The following UST variants were observed in gnomAD, a reference collection of about 807,000 sequenced individuals.
The protein encoded by UST is uronyl 2-sulfotransferase, also known as chondroitin sulfate 2-O-sulfotransferase.
UST carries 21 observed loss-of-function variants against 45.6 expected under a neutral mutation model. The ratio of observed to expected loss-of-function variants is 0.46; its 90% CI spans 0.33 to 0.66. The LOEUF (loss-of-function observed/expected upper bound fraction) is 0.66. Ranked by LOEUF, UST falls within the 30% of genes least tolerant of loss-of-function variation. The pLI is 0.02. For missense variants in UST, 463 were observed against 512.4 expected (o/e 0.90, Z 0.93); for synonymous variants, 215 against 200.6 (o/e 1.07, Z -0.61).
chr6:148,871,145 T>TCTCTCTCTCTCTCTCC (rs1032229926), intron 1 of UST, among the ~76,000 whole-genome samples: 4 of 135,106 alleles, frequency 3.0e-5, no homozygotes, highest in African/African-American at 5.6e-5. Context: ...TCTCTCTCTC[T>TCTCTCTCTCTCTCTCC]CCCTCTCTCC....
At chr6:149,047,049 T>G (rs1046011687) in intron 7 of UST, among the ~76,000 whole-genome samples, 4 of 152,182 alleles carry the variant, frequency 2.6e-5, no homozygotes, top group African/African-American at 9.7e-5. Context: ...AAGTCACTAG[T>G]TAGAGTTGTT....
At chr6:148,936,573 CTTTTTT>C (rs138494669) in intron 2 of UST, among the ~76,000 whole-genome samples, 13 of 85,328 alleles carry the variant, frequency 1.5e-4, no homozygotes, top group Non-Finnish European at 2.0e-4. Context: ...AAAATCAGTC[CTTTTTT>C]TTTTTTTTTT....
chr6:148,792,350 G>A (rs1776866036), intron 1 of UST, among the ~76,000 whole-genome samples: 1 of 152,184 alleles, frequency 6.6e-6, no homozygotes, highest in African/African-American at 2.4e-5. Context: ...CCCCGGGCTG[G>A]CAATGAGAGC....
intron 1 of UST, among the ~76,000 whole-genome samples, chr6:148,761,312 C>T (rs1776213981): frequency 2.0e-5 from 3 of 152,170 alleles, no homozygotes; most frequent in Admixed American, 6.5e-5. Flanking sequence ...CTCCGCCTCC[C>T]TCCATCTACC....
intron 1 of UST, among the ~76,000 whole-genome samples, chr6:148,783,941 G>A (rs1411973228): frequency 6.6e-6 from 1 of 152,132 alleles, no homozygotes; most frequent in Non-Finnish European, 1.5e-5. Flanking sequence ...TATCTTCAAA[G>A]TCACACAACC....
intron 1 of UST, among the ~76,000 whole-genome samples, chr6:148,763,598 C>T (rs1284278308): frequency 1.3e-5 from 2 of 152,032 alleles, no homozygotes; most frequent in Admixed American, 6.5e-5. Context: ...AGAGTTTTTC[C>T]TAGGTTTTCT....
intron 1 of UST, among the ~76,000 whole-genome samples, chr6:148,885,545 G>A (rs1047419441): frequency 7.2e-5 from 11 of 152,120 alleles, no homozygotes; most frequent in African/African-American, 2.2e-4. Context: ...CCCAATCATG[G>A]GCATGCTGGG....
chr6:148,907,799 T>A lies in UST; in HGVS notation c.291+20770T>A, dbSNP rs191215106. On this transcript the variant is annotated intron_variant, in intron 2 of 7. Transcript: ENST00000367463. ...ATGACCTAATTTAAATTCCCCAGTG[T>A]GGCTAATTGGGGAACTGTGTTTTAC... Among the ~76,000 whole-genome samples the A allele has an allele frequency of 5.3e-5, 8 of 152,192 alleles. No homozygotes were observed. The East Asian group carries it at 1.5e-3, about 29-fold the overall frequency.
chr6:148,956,200 C>T (rs1780496532), intron 4 of UST: 1 of 152,944 alleles, frequency 6.5e-6, no homozygotes, highest in South Asian at 2.1e-4. Flanking sequence ...TATAGGGATG[C>T]TCTGAACCTG....
At chr6:148,879,514 T>C (rs1778783964) in intron 1 of UST, among the ~76,000 whole-genome samples, 1 of 152,244 alleles carries the variant, frequency 6.6e-6, no homozygotes, top group Non-Finnish European at 1.5e-5. Flanking sequence ...ACCATGGACT[T>C]GTCCCAGAAT....
At chr6:148,912,659 A>G (rs1779498717) in intron 2 of UST, among the ~76,000 whole-genome samples, 1 of 152,234 alleles carries the variant, frequency 6.6e-6, no homozygotes, top group Non-Finnish European at 1.5e-5. Context: ...TTTGGCAACA[A>G]ATGAAGCTAA....
intron 1 of UST, among the ~76,000 whole-genome samples, chr6:148,879,731 CT>C (rs1247020291): frequency 6.6e-6 from 1 of 152,166 alleles, no homozygotes; most frequent in Non-Finnish European, 1.5e-5. Context: ...TGGTGTTGTT[CT>C]GAGCATTTTT....
intron 1 of UST, among the ~76,000 whole-genome samples, chr6:148,867,716 TC>T: frequency 6.6e-6 from 1 of 152,294 alleles, no homozygotes; most frequent in Non-Finnish European, 1.5e-5. Context: ...TTGTGAGGCC[TC>T]CCCAGCCACG....
chr6:148,982,599 C>G (rs1781161208), intron 5 of UST, among the ~76,000 whole-genome samples: 1 of 152,116 alleles, frequency 6.6e-6, no homozygotes, highest in African/African-American at 2.4e-5. Context: ...CAGTTTCTAC[C>G]CAGGGCACAG....
intron 3 of UST, among the ~76,000 whole-genome samples, chr6:148,943,845 A>G (rs1780179961): frequency 6.6e-6 from 1 of 152,216 alleles, no homozygotes; most frequent in South Asian, 2.1e-4. Context: ...AAAGGTAAAG[A>G]TAAGGTAGAA....
chr6:148,891,906 TC>T (rs1779025520), intron 2 of UST, among the ~76,000 whole-genome samples: 1 of 152,224 alleles, frequency 6.6e-6, no homozygotes, highest in Admixed American at 6.5e-5. Context: ...TTAGCTACCT[TC>T]AGCACCTGAA....
At chr6:148,973,512 G>C (rs1282043444) in intron 5 of UST, among the ~76,000 whole-genome samples, 2 of 152,234 alleles carry the variant, frequency 1.3e-5, no homozygotes, top group Non-Finnish European at 2.9e-5. Context: ...TTTAAATGCA[G>C]TCAGGAAATG....
chr6:148,822,459 C>T (rs117422817), intron 1 of UST, among the ~76,000 whole-genome samples: 2 of 152,086 alleles, frequency 1.3e-5, no homozygotes, highest in East Asian at 1.9e-4. Flanking sequence ...CCCAAAAAGA[C>T]GTGATAATTC....
At position 148,953,928 on chromosome 6, in the gene UST, T is replaced by C. The variant is rs1670488347; in HGVS notation, c.504T>C (p.His168=). Residue 168 remains histidine (H), a synonymous_variant, in exon 4 of 8, where the codon CAT becomes CAC. Coordinates refer to ENST00000367463, the MANE Select transcript of UST (RefSeq NM_005715.3). ...AACAACCCTATTTATTCACTCGACA[T>C]GTTCATTTCCTCAACTTCTCAAGGT... ...TAEQPYLFTR[H]VHFLNFSRFG... 3.7e-6 allele frequency: 6 copies of C among 1,609,572 alleles called. No homozygotes were observed. The South Asian group carries it at 4.4e-5, about 12-fold the overall frequency.
Sources: gnomAD v4.1 joint callset for allele counts (sites outside exome capture counted in the v4.1 genomes callset) on GRCh38, gnomAD v4.1.1 for gene constraint, MANE v1.5 for transcripts, NCBI Gene and HGNC (gene_info 2026-07-23, HGNC 2026-07-21) for gene names.